The following SYNDIG1 variants were observed in gnomAD, a reference collection of about 807,000 sequenced individuals.
SYNDIG1 encodes the protein synapse differentiation-inducing gene protein 1.
In SYNDIG1, 9 loss-of-function variants were observed where a neutral mutation model predicts 19.4. The observed-to-expected ratio is 0.46, with a 90% CI of 0.28 to 0.81. SYNDIG1 has a LOEUF of 0.81. SYNDIG1 is among the 30% of genes least tolerant of loss of function. SYNDIG1 has a pLI of 0.12. For synonymous variants in SYNDIG1, 141 were observed against 145.9 expected (o/e 0.97, Z 0.24); for missense variants, 311 against 343.3 (o/e 0.91, Z 0.74).
At chr20:24,595,324 C>T (rs2058579050) in intron 3 of SYNDIG1, among the ~76,000 whole-genome samples, 1 of 152,150 alleles carries the variant, frequency 6.6e-6, no homozygotes, top group African/African-American at 2.4e-5. Flanking sequence ...TATTGGTTTG[C>T]ATACGTTGAA....
chr20:24,597,098 C>T, intron 3 of SYNDIG1: 1 of 152,594 alleles, frequency 6.6e-6, no homozygotes, highest in East Asian at 1.9e-4. Context: ...AGATTTCTCT[C>T]TGAATTCCCT....
At chr20:24,640,314 A>G (rs1600813030) in intron 3 of SYNDIG1, among the ~76,000 whole-genome samples, 1 of 151,700 alleles carries the variant, frequency 6.6e-6, no homozygotes, top group East Asian at 1.9e-4. Context: ...GTGAGAAAAA[A>G]AAGAAGGAAA....
intron 1 of SYNDIG1, among the ~76,000 whole-genome samples, chr20:24,494,068 G>A (rs868054172): frequency 6.6e-6 from 1 of 152,276 alleles, no homozygotes; most frequent in African/African-American, 2.4e-5. Context: ...GCTGGGTATG[G>A]GGAGGGAGGA....
chr20:24,526,381 A>G (rs529211935), intron 1 of SYNDIG1, among the ~76,000 whole-genome samples: 1 of 152,140 alleles, frequency 6.6e-6, no homozygotes, highest in South Asian at 2.1e-4. Context: ...TAGAATGATT[A>G]GAAATGTTTC....
intron 2 of SYNDIG1, among the ~76,000 whole-genome samples, chr20:24,553,924 T>A (rs376615502): frequency 3.3e-5 from 5 of 152,130 alleles, no homozygotes; most frequent in Middle Eastern, 3.2e-3. Flanking sequence ...CACGATATTG[T>A]TTCTTCCTAC....
chr20:24,540,859 C>T (rs1292331693), intron 1 of SYNDIG1, among the ~76,000 whole-genome samples: 2 of 152,078 alleles, frequency 1.3e-5, no homozygotes, highest in Non-Finnish European at 2.9e-5. Context: ...CTGTAATGTT[C>T]CTATGGTGTC....
chr20:24,556,081 A>T, intron 2 of SYNDIG1, among the ~76,000 whole-genome samples: 1 of 151,660 alleles, frequency 6.6e-6, no homozygotes, highest in East Asian at 1.9e-4. Flanking sequence ...GTCTCTTTTG[A>T]TCTTTGTTGG....
intron 1 of SYNDIG1, among the ~76,000 whole-genome samples, chr20:24,475,838 G>A (rs1324091752): frequency 6.6e-6 from 1 of 151,912 alleles, no homozygotes; most frequent in African/African-American, 2.4e-5. Flanking sequence ...ACAGAGAACT[G>A]TGAGCTAATT....
chr20:24,590,700 G>A (rs536409972), intron 3 of SYNDIG1, among the ~76,000 whole-genome samples: 1 of 152,278 alleles, frequency 6.6e-6, no homozygotes, highest in South Asian at 2.1e-4. Flanking sequence ...ACCTGCAGCG[G>A]GGCCTCTCAA....
intron 2 of SYNDIG1, among the ~76,000 whole-genome samples, chr20:24,573,612 G>A (rs944577300): frequency 6.6e-6 from 1 of 152,228 alleles, no homozygotes; most frequent in Non-Finnish European, 1.5e-5. Context: ...ATCACGTAGT[G>A]ATCTTTCACA....
At chr20:24,647,804 A>G (rs1316094269) in intron 3 of SYNDIG1, among the ~76,000 whole-genome samples, 1 of 148,894 alleles carries the variant, frequency 6.7e-6, no homozygotes, top group African/African-American at 2.5e-5. Context: ...AAAGTTGGGG[A>G]CAGACTGAGC....
At chr20:24,504,916 ACTAGGAAATCGTTGAAGTGGC>A (rs889533272) in intron 1 of SYNDIG1, among the ~76,000 whole-genome samples, 3 of 152,202 alleles carry the variant, frequency 2.0e-5, no homozygotes, top group Non-Finnish European at 4.4e-5. Context: ...TGGGGAAGCA[ACTAGGAAATCGTTGAAGTGGC>A]CTGGGTGAGA....
chr20:24,660,264 G>A (rs759251091), intron 3 of SYNDIG1, among the ~76,000 whole-genome samples: 4 of 152,166 alleles, frequency 2.6e-5, no homozygotes, highest in African/African-American at 4.8e-5. Flanking sequence ...ACTCATTTAC[G>A]GGAGTGGAAT....
intron 3 of SYNDIG1, among the ~76,000 whole-genome samples, chr20:24,606,946 G>A (rs920280181): frequency 6.6e-6 from 1 of 152,234 alleles, no homozygotes; most frequent in East Asian, 1.9e-4. Context: ...AGGCAGTACT[G>A]TCAATAGGGA....
At chr20:24,525,227 T>A (rs77043608) in intron 1 of SYNDIG1, among the ~76,000 whole-genome samples, 1,927 of 151,988 alleles carry the variant, frequency 0.013, 41 homozygotes, top group African/African-American at 0.045. Flanking sequence ...ATGATTTGCA[T>A]TGTGGCTAAA....
intron 3 of SYNDIG1, among the ~76,000 whole-genome samples, chr20:24,640,048 T>C (rs1297359037): frequency 6.6e-6 from 1 of 152,210 alleles, no homozygotes; most frequent in Non-Finnish European, 1.5e-5. Flanking sequence ...AAATAAGCTC[T>C]TCTGGCCAGG....
chr20:24,577,273 G>A (rs2058245027), intron 2 of SYNDIG1, among the ~76,000 whole-genome samples: 1 of 152,186 alleles, frequency 6.6e-6, no homozygotes, highest in African/African-American at 2.4e-5. Flanking sequence ...AGAACAAGGG[G>A]CCTCGAGATG....
chr20:24,646,541 A>G (rs866665372), intron 3 of SYNDIG1, among the ~76,000 whole-genome samples: 39 of 152,124 alleles, frequency 2.6e-4, no homozygotes, highest in African/African-American at 2.4e-4. Context: ...ATCTCTGTGC[A>G]TGCATACCGC....
At chr20:24,617,135 G>A (rs1253179532) in intron 3 of SYNDIG1, among the ~76,000 whole-genome samples, 3 of 152,130 alleles carry the variant, frequency 2.0e-5, no homozygotes, top group East Asian at 1.9e-4. Flanking sequence ...TAGGTGGGCC[G>A]AGAAGAGGTG....
Sources: gnomAD v4.1 joint callset for allele counts (sites outside exome capture counted in the v4.1 genomes callset) on GRCh38, gnomAD v4.1.1 for gene constraint, MANE v1.5 for transcripts, NCBI Gene and HGNC (gene_info 2026-07-23, HGNC 2026-07-21) for gene names.